The following DLGAP1 variants were observed in gnomAD, a reference collection of about 807,000 sequenced individuals.
DLGAP1 encodes the protein disks large-associated protein 1.
DLGAP1 carries 11 observed loss-of-function variants against 90.8 expected under a neutral mutation model. That is an observed-to-expected ratio of 0.12 (90% confidence interval 0.08 to 0.20). DLGAP1 has a LOEUF of 0.20. Among genes scored for constraint, DLGAP1 ranks in the 10% least tolerant of loss-of-function variants. The pLI is 1.00. For synonymous variants in DLGAP1, 558 were observed against 540.7 expected (o/e 1.03, Z -0.44); for missense variants, 1,050 against 1,333.8 (o/e 0.79, Z 3.31).
At chr18:3,947,156 G>A (rs1429850202) in intron 3 of DLGAP1, among the ~76,000 whole-genome samples, 1 of 152,182 alleles carries the variant, frequency 6.6e-6, no homozygotes, top group Non-Finnish European at 1.5e-5. Flanking sequence ...CACACATTGG[G>A]TTGGGTATAG....
chr18:4,179,218 T>C (rs530907841), intron 1 of DLGAP1, among the ~76,000 whole-genome samples: 5 of 152,276 alleles, frequency 3.3e-5, no homozygotes, highest in Non-Finnish European at 7.4e-5. Flanking sequence ...ATGAGGATTA[T>C]GAAACATCAA....
At chr18:3,840,143 T>A (rs772434982) in intron 4 of DLGAP1, among the ~76,000 whole-genome samples, 1 of 152,228 alleles carries the variant, frequency 6.6e-6, no homozygotes, top group Non-Finnish European at 1.5e-5. Flanking sequence ...TCATCTTTTT[T>A]ATATTAACAT....
chr18:3,755,509 T>C (rs2063683261), intron 5 of DLGAP1, among the ~76,000 whole-genome samples: 1 of 151,542 alleles, frequency 6.6e-6, no homozygotes, highest in Non-Finnish European at 1.5e-5. Context: ...AAAAAAGAAC[T>C]GGAGAGGCTA....
chr18:4,113,687 C>G (rs2076012671), intron 2 of DLGAP1, among the ~76,000 whole-genome samples: 1 of 152,064 alleles, frequency 6.6e-6, no homozygotes, highest in African/African-American at 2.4e-5. Context: ...AATTCTTTCT[C>G]AAGGCAGAAG....
intron 1 of DLGAP1, among the ~76,000 whole-genome samples, chr18:4,431,985 G>A (rs1034438530): frequency 6.6e-6 from 1 of 152,174 alleles, no homozygotes; most frequent in Admixed American, 6.5e-5. Flanking sequence ...TAGTTTAAAT[G>A]TCTTATCAAA....
chr18:3,817,753 A>G (rs1317007062), intron 4 of DLGAP1, among the ~76,000 whole-genome samples: 1 of 152,242 alleles, frequency 6.6e-6, no homozygotes. Context: ...TTGATTGTAA[A>G]GAAAGGGAGA....
intron 4 of DLGAP1, among the ~76,000 whole-genome samples, chr18:3,868,138 G>A (rs188307824): frequency 3.7e-4 from 56 of 152,224 alleles, no homozygotes; most frequent in African/African-American, 1.0e-3. Context: ...TCTGCTCAGC[G>A]TGCCATGGAA....
At chr18:4,305,062 G>T (rs2080216027) in intron 1 of DLGAP1, among the ~76,000 whole-genome samples, 1 of 152,082 alleles carries the variant, frequency 6.6e-6, no homozygotes, top group South Asian at 2.1e-4. Context: ...TTCATTCATG[G>T]AATAAATTAA....
chr18:4,348,773 G>A (rs936323078), intron 1 of DLGAP1, among the ~76,000 whole-genome samples: 1 of 152,002 alleles, frequency 6.6e-6, no homozygotes, highest in African/African-American at 2.4e-5. Flanking sequence ...ATTCTAGAAT[G>A]AGAGCAACAA....
chr18:3,876,581 G>T (rs1448469777), intron 4 of DLGAP1, among the ~76,000 whole-genome samples: 1 of 152,202 alleles, frequency 6.6e-6, no homozygotes, highest in African/African-American at 2.4e-5. Context: ...AAACAAAGGT[G>T]CTTTGGTGTC....
At chr18:3,989,171 C>T (rs576997322) in intron 3 of DLGAP1, among the ~76,000 whole-genome samples, 36 of 152,336 alleles carry the variant, frequency 2.4e-4, no homozygotes, top group East Asian at 1.9e-3. Context: ...GCCTAGCTTG[C>T]GTCCTTGCTG....
intron 10 of DLGAP1, among the ~76,000 whole-genome samples, chr18:3,528,917 G>A (rs2051817037): frequency 6.6e-6 from 1 of 152,208 alleles, no homozygotes; most frequent in African/African-American, 2.4e-5. Flanking sequence ...TCTTAAGAAT[G>A]AGACAGGACA....
chr18:3,978,433 C>T (rs549807004), intron 3 of DLGAP1: 2 of 304,156 alleles, frequency 6.6e-6, no homozygotes, highest in African/African-American at 2.2e-5. Context: ...CATTCTCAGT[C>T]TTGACAGTGC....
chr18:4,424,219 T>C (rs537019151), intron 1 of DLGAP1, among the ~76,000 whole-genome samples: 10 of 152,148 alleles, frequency 6.6e-5, no homozygotes, highest in Admixed American at 1.3e-4. Flanking sequence ...ATGAATTTAC[T>C]GGGCATAGTG....
At chr18:4,324,056 A>G (rs987097669) in intron 1 of DLGAP1, among the ~76,000 whole-genome samples, 2 of 152,078 alleles carry the variant, frequency 1.3e-5, no homozygotes, top group African/African-American at 4.8e-5. Context: ...TTGAAAAACC[A>G]TACAAAAGAT....
intron 3 of DLGAP1, among the ~76,000 whole-genome samples, chr18:3,972,712 C>G (rs1181797771): frequency 6.6e-6 from 1 of 152,156 alleles, no homozygotes; most frequent in East Asian, 1.9e-4. Context: ...GAGCTCTCAG[C>G]TTTCCTGAGA....
chr18:4,381,359 C>A (rs1263506847), intron 1 of DLGAP1, among the ~76,000 whole-genome samples: 1 of 152,044 alleles, frequency 6.6e-6, no homozygotes, highest in African/African-American at 2.4e-5. Context: ...GAATGATGCC[C>A]AATTGATAAA....
At position 3,999,363 on chromosome 18, in the gene DLGAP1, T is replaced by C. The variant is rs139308921; in HGVS notation, c.-73+5753A>G. 4.1e-4 allele frequency among the ~76,000 whole-genome samples: 62 copies of C among 152,294 alleles called. 2 individuals are homozygous for C. The East Asian group carries it at 9.8e-3, about 24-fold the overall frequency. Reference sequence around the variant, plus strand: ...TTGTTAGGTAATCTGGAAATATTTTTATAAATGTAAATTTAATCAGTAAAT... The same window carrying C: ...TTGTTAGGTAATCTGGAAATATTTTCATAAATGTAAATTTAATCAGTAAAT... On this transcript the variant is annotated intron_variant, in intron 3 of 12. Coordinates refer to ENST00000315677, the MANE Select transcript of DLGAP1 (RefSeq NM_004746.4).
intron 2 of DLGAP1, among the ~76,000 whole-genome samples, chr18:4,077,851 T>G (rs8094194): frequency 0.61 from 92,045 of 152,068 alleles, 28,535 homozygotes; most frequent in Non-Finnish European, 0.66. Context: ...TATTAGGAAA[T>G]CTTTGCATGT....
Sources: allele counts gnomAD v4.1 joint callset (sites outside exome capture counted in the v4.1 genomes callset), GRCh38; gene constraint gnomAD v4.1.1; transcripts MANE v1.5; gene names NCBI Gene and HGNC (gene_info 2026-07-23, HGNC 2026-07-21).